Variants in NDUFAF6 observed in about 807,000 individuals in gnomAD.
NDUFAF6 encodes NADH:ubiquinone oxidoreductase complex assembly factor 6, also known as NADH dehydrogenase (ubiquinone) complex I, assembly factor 6.
Under a neutral mutation model 40.8 loss-of-function variants are expected in NDUFAF6, and 45 were observed. The observed-to-expected ratio is 1.10, with a 90% CI of 0.87 to 1.42. The LOEUF (loss-of-function observed/expected upper bound fraction) is 1.42. Among genes scored for constraint, NDUFAF6 ranks in the 40% most tolerant of loss-of-function variants. The pLI is 0.00. For missense variants in NDUFAF6, 435 were observed against 418.5 expected, an observed-to-expected ratio of 1.04 and a Z score of -0.34; for synonymous variants, 185 against 155.9, an observed-to-expected ratio of 1.19 and a Z score of -1.39.
chr8:95,073,126 C>G (rs1376003067), intron 9 of NDUFAF6: 1 of 152,660 alleles, frequency 6.6e-6, no homozygotes, highest in Admixed American at 6.5e-5. Context: ...GCGCTGAGGG[C>G]TAGGAGGGCT....
intron 1 of NDUFAF6, among the ~76,000 whole-genome samples, chr8:94,915,125 T>C (rs980698186): frequency 1.4e-4 from 21 of 152,186 alleles, no homozygotes; most frequent in African/African-American, 4.1e-4. Flanking sequence ...CTTAAATTTT[T>C]TTTTTTTAAG....
chr8:95,093,647 G>A (rs1809344379), intron 2 of NDUFAF6, among the ~76,000 whole-genome samples: 1 of 152,142 alleles, frequency 6.6e-6, no homozygotes, highest in Admixed American at 6.5e-5. Flanking sequence ...AAGGCCAAAG[G>A]CAGCATTCCC....
chr8:94,993,766 A>G (rs757877609), intron 2 of NDUFAF6, among the ~76,000 whole-genome samples: 2 of 152,218 alleles, frequency 1.3e-5, no homozygotes, highest in Non-Finnish European at 2.9e-5. Context: ...CACAAAAATA[A>G]TAAGAAAGAA....
At chr8:95,105,064 CACAGAGAGAGAGAGAGAG>C (rs750701630), downstream of NDUFAF6, among the ~76,000 whole-genome samples, 7,666 of 105,440 alleles carry the variant, frequency 0.073, 280 homozygotes, top group East Asian at 0.14. Context: ...CACACACACA[CACAGAGAGAGAGAGAGAG>C]AGAGAGAGAG....
intron 9 of NDUFAF6, chr8:95,069,002 C>A: frequency 6.6e-6 from 1 of 152,070 alleles, no homozygotes; most frequent in Non-Finnish European, 1.5e-5. Context: ...TTAGTTTGCC[C>A]TCCATCCCTC....
At chr8:95,052,102 T>C in intron 7 of NDUFAF6, 72 bp from the exon 8 acceptor site, 1 of 1,393,528 alleles carries the variant, frequency 7.2e-7, no homozygotes, top group Non-Finnish European at 1.0e-6. Flanking sequence ...GTTAAACTGC[T>C]GGTGTTGCTT....
intron 2 of NDUFAF6, chr8:94,949,089 TGCGGCCCCAACCGGCAGCGAG>T (rs1284285955): frequency 6.8e-6 from 1 of 147,516 alleles, no homozygotes; most frequent in Non-Finnish European, 1.5e-5. Flanking sequence ...CGGGCAGCGC[TGCGGCCCCAACCGGCAGCGAG>T]GCGGCCCTGG....
intron 1 of NDUFAF6, among the ~76,000 whole-genome samples, chr8:94,944,602 G>C (rs1452668915): frequency 2.6e-5 from 4 of 152,200 alleles, no homozygotes; most frequent in African/African-American, 9.7e-5. Context: ...GTGCTCAGAA[G>C]CCCAGCCAAG....
At chr8:95,018,173 G>A (rs1827543178) in intron 2 of NDUFAF6, among the ~76,000 whole-genome samples, 1 of 150,878 alleles carries the variant, frequency 6.6e-6, no homozygotes, top group African/African-American at 2.4e-5. Context: ...TTGAGTAGCT[G>A]GGACCACAGG....
At chr8:95,086,725 CCGA>C (rs1250696789) in intron 2 of NDUFAF6, among the ~76,000 whole-genome samples, 1 of 151,978 alleles carries the variant, frequency 6.6e-6, no homozygotes, top group African/African-American at 2.4e-5. Context: ...CCTCAGTCTC[CCGA>C]GTAGCTGGGA....
chr8:94,939,833 A>C, intron 1 of NDUFAF6: 9 of 1,594,928 alleles, frequency 5.6e-6, no homozygotes, highest in Non-Finnish European at 7.7e-6. Flanking sequence ...TGGACTGCCT[A>C]CAGAGAGTTA....
At chr8:95,040,179 C>T (rs987161457) in intron 3 of NDUFAF6, among the ~76,000 whole-genome samples, 6 of 152,098 alleles carry the variant, frequency 3.9e-5, no homozygotes, top group Admixed American at 6.6e-5. Context: ...CCCCCGACCT[C>T]GTCTTTTTAA....
chr8:95,066,508 C>T (rs138880474), intron 9 of NDUFAF6, among the ~76,000 whole-genome samples: 2 of 152,064 alleles, frequency 1.3e-5, no homozygotes, highest in African/African-American at 4.8e-5. Flanking sequence ...TGGGTAGTCA[C>T]TCTTCACTTG....
chr8:95,036,494 TGTGA>T (rs1026086826), intron 3 of NDUFAF6: 12 of 1,289,208 alleles, frequency 9.3e-6, no homozygotes, highest in African/African-American at 3.0e-5. Context: ...GATGGGAAGC[TGTGA>T]GTATTAGATT....
At chr8:95,067,179 G>T (rs964904472) in intron 9 of NDUFAF6, 2 of 152,222 alleles carry the variant, frequency 1.3e-5, no homozygotes, top group Non-Finnish European at 2.9e-5. Context: ...TGCATGGGCT[G>T]GGGCTGGGAC....
At chr8:95,087,442 A>T (rs533339033) in intron 2 of NDUFAF6, among the ~76,000 whole-genome samples, 2 of 151,894 alleles carry the variant, frequency 1.3e-5, no homozygotes, top group African/African-American at 4.8e-5. Context: ...ACTTTTTTTC[A>T]TCCCATCATT....
Position 95,058,489 on chromosome 8 carries a change from AATAAC to A in NDUFAF6, c.*558_*562del. 1.6e-6 allele frequency: 2 copies of A among 1,228,456 alleles called. No homozygotes were observed. The highest frequency in any genetic ancestry group is 4.2e-5 in the South Asian group (1 of 23,536). The allele number at this position is 1,228,456 out of a possible 1,614,324, so 76.1% of individuals were successfully genotyped here. A position where few individuals can be genotyped will look rare whatever the true frequency, so the allele number is the denominator to read the frequency against. On this transcript the variant is annotated 3_prime_UTR_variant, in exon 9 of 9. Coordinates refer to ENST00000396124, the MANE Select transcript of NDUFAF6 (RefSeq NM_152416.4). ...TCTTGTGTAAAAATTTATCCATGAT[AATAAC>A]ATAACTTCTTTAAGGTTGGAGTGGC...
At chr8:94,970,562 G>A (rs1824385661) in intron 1 of NDUFAF6, among the ~76,000 whole-genome samples, 1 of 151,870 alleles carries the variant, frequency 6.6e-6, no homozygotes, top group Non-Finnish European at 1.5e-5. Context: ...TTGCACTCCC[G>A]CCTGGGTGAC....
At chr8:94,983,838 A>G (rs1280912806) in intron 2 of NDUFAF6, among the ~76,000 whole-genome samples, 1 of 152,184 alleles carries the variant, frequency 6.6e-6, no homozygotes, top group Non-Finnish European at 1.5e-5. Context: ...TCTGTACCGA[A>G]GAGTCACCAA....
Sources: allele counts gnomAD v4.1 joint callset (sites outside exome capture counted in the v4.1 genomes callset), GRCh38; gene constraint gnomAD v4.1.1; transcripts MANE v1.5; gene names NCBI Gene and HGNC (gene_info 2026-07-23, HGNC 2026-07-21).